SV2C: variants seen among roughly 807,000 people sequenced by gnomAD.
The protein encoded by SV2C is synaptic vesicle glycoprotein 2C, also known as solute carrier family 22 member B3.
A neutral mutation model predicts 79.7 loss-of-function variants in SV2C; 49 were observed. The observed-to-expected ratio is 0.61, with a 90% CI of 0.49 to 0.78. SV2C has a LOEUF of 0.78. Ranked by LOEUF, SV2C falls within the 30% of genes least tolerant of loss-of-function variation. SV2C has a pLI of 0.00. For synonymous variants in SV2C, 334 were observed against 333.2 expected (o/e 1.00, Z -0.03); for missense variants, 833 against 912.9 (o/e 0.91, Z 1.13).
At chr5:75,952,672 C>G in the SV2C span, among the ~76,000 whole-genome samples, 1 of 151,776 alleles carries the variant, frequency 6.6e-6, no homozygotes, top group African/African-American at 2.4e-5. Flanking sequence ...ATGTGATATA[C>G]TGGCTTCATC....
intron 12 of SV2C, among the ~76,000 whole-genome samples, chr5:76,311,821 T>A (rs542117026): frequency 6.6e-6 from 1 of 152,282 alleles, no homozygotes; most frequent in East Asian, 1.9e-4. Context: ...CCGTCCCCAG[T>A]CCCTGCCACC....
At chr5:76,246,063 A>G (rs907748242) in intron 4 of SV2C, among the ~76,000 whole-genome samples, 9 of 152,082 alleles carry the variant, frequency 5.9e-5, no homozygotes, top group African/African-American at 2.2e-4. Context: ...AAGTTTGCTT[A>G]CAATGTACCC....
the SV2C span, among the ~76,000 whole-genome samples, chr5:76,035,216 T>A: frequency 6.6e-6 from 1 of 151,968 alleles, no homozygotes; most frequent in Non-Finnish European, 1.5e-5. Flanking sequence ...ATTCGTTAAT[T>A]TTTTGAAGGG....
chr5:75,931,769 G>A, the SV2C span, among the ~76,000 whole-genome samples: 15 of 152,122 alleles, frequency 9.9e-5, no homozygotes, highest in Non-Finnish European at 1.5e-4. Flanking sequence ...CTTTTGCATA[G>A]CCTTTGATTT....
chr5:76,081,807 T>C (rs1456527113), upstream of SV2C: 1 of 152,264 alleles, frequency 6.6e-6, no homozygotes. Flanking sequence ...GTATCCTGCA[T>C]AGTGGCACAA....
At chr5:76,186,588 A>G (rs1011706199) in intron 2 of SV2C, among the ~76,000 whole-genome samples, 34 of 152,222 alleles carry the variant, frequency 2.2e-4, no homozygotes, top group Admixed American at 7.2e-4. Flanking sequence ...GCTATGCAGG[A>G]GGCTGAGGCA....
chr5:75,899,758 G>T, the SV2C span, among the ~76,000 whole-genome samples: 2 of 152,006 alleles, frequency 1.3e-5, no homozygotes, highest in Non-Finnish European at 2.9e-5. Flanking sequence ...TCCTGTATTG[G>T]GTGCATATAT....
chr5:75,998,260 G>A, the SV2C span, among the ~76,000 whole-genome samples: 1 of 152,100 alleles, frequency 6.6e-6, no homozygotes, highest in Non-Finnish European at 1.5e-5. Flanking sequence ...GTTAATGGGT[G>A]TAGCATACCA....
chr5:76,313,278 G>A (rs759562795), intron 12 of SV2C, among the ~76,000 whole-genome samples: 1 of 152,120 alleles, frequency 6.6e-6, no homozygotes, highest in Non-Finnish European at 1.5e-5. Context: ...CAGCTATCGC[G>A]ACTAACCAAC....
At chr5:75,874,518 C>A in the SV2C span, among the ~76,000 whole-genome samples, 1 of 152,178 alleles carries the variant, frequency 6.6e-6, no homozygotes, top group African/African-American at 2.4e-5. Flanking sequence ...CCCTCTCTCA[C>A]CACTTCTATT....
the SV2C span, among the ~76,000 whole-genome samples, chr5:75,955,248 A>G: frequency 6.7e-6 from 1 of 149,990 alleles, no homozygotes; most frequent in South Asian, 2.1e-4. Context: ...CCGCATATCT[A>G]CAACTATCTG....
chr5:75,922,774 C>T, the SV2C span, among the ~76,000 whole-genome samples: 4 of 152,130 alleles, frequency 2.6e-5, no homozygotes, highest in Admixed American at 2.6e-4. Flanking sequence ...ATTTAGGAAC[C>T]ACATGTTTGA....
chr5:76,098,704 C>T (rs554885505), intron 1 of SV2C, among the ~76,000 whole-genome samples: 25 of 152,222 alleles, frequency 1.6e-4, no homozygotes, highest in South Asian at 6.2e-4. Context: ...AAAACAAAAA[C>T]AACAAATAAT....
At chr5:76,243,449 C>T (rs10942762) in intron 4 of SV2C, among the ~76,000 whole-genome samples, 45,848 of 152,064 alleles carry the variant, frequency 0.3, 7,554 homozygotes, top group Non-Finnish European at 0.37. Context: ...ACATGAGCAT[C>T]TTCTGGGCTT....
the SV2C span, among the ~76,000 whole-genome samples, chr5:76,073,971 A>G: frequency 6.6e-6 from 1 of 152,334 alleles, no homozygotes; most frequent in African/African-American, 2.4e-5. Context: ...CAATTAGCCC[A>G]GAATATCCAT....
chr5:75,868,883 T>C, the SV2C span, among the ~76,000 whole-genome samples: 6 of 152,184 alleles, frequency 3.9e-5, no homozygotes, highest in African/African-American at 1.2e-4. Context: ...CCTGGTTCCC[T>C]GACATGAATT....
chr5:75,972,020 C>T, the SV2C span, among the ~76,000 whole-genome samples: 694 of 152,080 alleles, frequency 4.6e-3, 14 homozygotes, highest in African/African-American at 0.016. Context: ...GAAATAATGC[C>T]GCATATCTAC....
At chr5:76,269,860 C>T (rs1321039312) in intron 4 of SV2C, among the ~76,000 whole-genome samples, 2 of 152,196 alleles carry the variant, frequency 1.3e-5, no homozygotes. Flanking sequence ...CAGACTCAGT[C>T]ACTCTGCATT....
At chr5:76,305,113 AACTC>A (rs775258197) in intron 12 of SV2C, among the ~76,000 whole-genome samples, 1 of 152,092 alleles carries the variant, frequency 6.6e-6, no homozygotes, top group Non-Finnish European at 1.5e-5. Flanking sequence ...AGCTCACAGG[AACTC>A]ACTCACCATT....
Sources: gnomAD v4.1 joint callset for allele counts (sites outside exome capture counted in the v4.1 genomes callset) on GRCh38, gnomAD v4.1.1 for gene constraint, MANE v1.5 for transcripts, NCBI Gene and HGNC (gene_info 2026-07-23, HGNC 2026-07-21) for gene names.